DOCK4: variants seen among roughly 807,000 people sequenced by gnomAD.
The protein encoded by DOCK4 is dedicator of cytokinesis protein 4.
In DOCK4, 97 loss-of-function variants were observed where a neutral mutation model predicts 268.1. The ratio of observed to expected loss-of-function variants is 0.36; its 90% CI spans 0.31 to 0.43. The LOEUF (loss-of-function observed/expected upper bound fraction) is 0.43. DOCK4 is among the 20% of genes least tolerant of loss of function. DOCK4 has a pLI of 1.00. For synonymous variants in DOCK4, 954 were observed against 887.2 expected (o/e 1.08, Z -1.34); for missense variants, 2,145 against 2,455.7 (o/e 0.87, Z 2.67).
At chr7:112,036,571 T>C (rs1205261917) in intron 1 of DOCK4, among the ~76,000 whole-genome samples, 3 of 152,046 alleles carry the variant, frequency 2.0e-5, no homozygotes, top group Non-Finnish European at 2.9e-5. Context: ...TAACAAAGGG[T>C]ACGGATCTTA....
intron 37 of DOCK4, among the ~76,000 whole-genome samples, chr7:111,769,174 G>C (rs989491674): frequency 6.6e-6 from 1 of 152,146 alleles, no homozygotes; most frequent in African/African-American, 2.4e-5. Flanking sequence ...AAGCCGCCAC[G>C]AATGGACTAT....
At chr7:111,791,420 T>C (rs1329559380) in intron 30 of DOCK4, among the ~76,000 whole-genome samples, 1 of 151,672 alleles carries the variant, frequency 6.6e-6, no homozygotes, top group African/African-American at 2.4e-5. Flanking sequence ...GGTTCTTATC[T>C]CTATGATATA....
At chr7:111,934,576 C>A (rs1449780614) in intron 12 of DOCK4, among the ~76,000 whole-genome samples, 1 of 140,284 alleles carries the variant, frequency 7.1e-6, no homozygotes, top group South Asian at 2.3e-4. Flanking sequence ...GTCACCCGGG[C>A]TGCAGTGCAG....
intron 2 of DOCK4, among the ~76,000 whole-genome samples, chr7:112,002,821 G>T (rs1250446406): frequency 6.6e-6 from 1 of 152,098 alleles, no homozygotes; most frequent in Non-Finnish European, 1.5e-5. Context: ...AGGCCAAGGT[G>T]GGTGGATCAC....
At chr7:111,978,912 C>G (rs368895863) in intron 7 of DOCK4, among the ~76,000 whole-genome samples, 1 of 152,096 alleles carries the variant, frequency 6.6e-6, no homozygotes, top group African/African-American at 2.4e-5. Flanking sequence ...ATTAATAGAA[C>G]GGGTGCTAAA....
chr7:112,003,576 T>A (rs1800615328), intron 2 of DOCK4, among the ~76,000 whole-genome samples: 2 of 152,210 alleles, frequency 1.3e-5, no homozygotes, highest in African/African-American at 2.4e-5. Flanking sequence ...CTAATATTAT[T>A]CAAGTGCATT....
At chr7:112,007,218 G>A (rs1050928626) in intron 1 of DOCK4, among the ~76,000 whole-genome samples, 2 of 151,970 alleles carry the variant, frequency 1.3e-5, no homozygotes, top group Non-Finnish European at 2.9e-5. Flanking sequence ...ACAGCACTTC[G>A]TCTATCTGTG....
At chr7:111,756,335 C>T (rs1241460116) in intron 41 of DOCK4, among the ~76,000 whole-genome samples, 1 of 151,974 alleles carries the variant, frequency 6.6e-6, no homozygotes, top group South Asian at 2.1e-4. Context: ...GGCGACAGGG[C>T]GAGACTCCTT....
intron 22 of DOCK4, among the ~76,000 whole-genome samples, chr7:111,867,155 G>A (rs1353879508): frequency 2.6e-5 from 4 of 152,198 alleles, no homozygotes; most frequent in Admixed American, 2.6e-4. Context: ...GAGGGCTGGT[G>A]CATTCCCGGT....
intron 13 of DOCK4, among the ~76,000 whole-genome samples, chr7:111,906,123 G>C (rs1791549232): frequency 6.6e-6 from 1 of 152,068 alleles, no homozygotes; most frequent in Admixed American, 6.6e-5. Context: ...AGTAAGAATG[G>C]CCATCAAATA....
Position 111,891,812 on chromosome 7 carries a change from C to G in DOCK4, c.1587+3800G>C, listed in dbSNP as rs141512660. ...AAGGTTTCAAATTTTTTAACTTAAA[C>G]GGATTTCTTTACTTATTCATGCTTT... On this transcript the variant is annotated intron_variant, in intron 16 of 52. Transcript: ENST00000428084. 3.6e-3 allele frequency among the ~76,000 whole-genome samples: 545 copies of G among 152,268 alleles called. 4 individuals carry two copies. The highest frequency in any genetic ancestry group is 0.012 in the African/African-American group (519 of 41,572).
intron 1 of DOCK4, among the ~76,000 whole-genome samples, chr7:112,080,763 C>T (rs763962116): frequency 1.8e-4 from 27 of 152,160 alleles, no homozygotes; most frequent in Non-Finnish European, 1.9e-4. Flanking sequence ...CGTAAGACAA[C>T]CACTGTCAAA....
At chr7:111,856,368 T>TC (rs1398103550) in intron 23 of DOCK4, among the ~76,000 whole-genome samples, 6 of 152,212 alleles carry the variant, frequency 3.9e-5, no homozygotes, top group Non-Finnish European at 1.5e-5. Context: ...GGTATATTTT[T>TC]CATCTTAAGT....
At chr7:111,769,823 G>T in intron 36 of DOCK4, 146 bp from the exon 37 acceptor site, 1 of 927,646 alleles carries the variant, frequency 1.1e-6, no homozygotes, top group Non-Finnish European at 1.6e-6. Flanking sequence ...AATATATGCA[G>T]CAGTAGGGTA....
chr7:112,134,132 G>A (rs149957024), intron 1 of DOCK4, among the ~76,000 whole-genome samples: 15 of 152,234 alleles, frequency 9.9e-5, no homozygotes, highest in East Asian at 1.9e-4. Context: ...CTTCAGAATC[G>A]TTTCAATTGT....
intron 1 of DOCK4, among the ~76,000 whole-genome samples, chr7:112,047,456 T>A (rs60138661): frequency 0.05 from 7,632 of 152,196 alleles, 576 homozygotes; most frequent in African/African-American, 0.17. Context: ...GACATTGGAA[T>A]AGTATTATAA....
intron 27 of DOCK4, among the ~76,000 whole-genome samples, chr7:111,816,173 A>AT (rs900719407): frequency 6.6e-6 from 1 of 151,982 alleles, no homozygotes; most frequent in African/African-American, 2.4e-5. Context: ...ATCTCCCATA[A>AT]TTTTTTTTAA....
At chr7:111,962,049 T>C (rs1445070584) in intron 8 of DOCK4, among the ~76,000 whole-genome samples, 1 of 152,022 alleles carries the variant, frequency 6.6e-6, no homozygotes, top group Non-Finnish European at 1.5e-5. Context: ...TCATATTTTC[T>C]TCACATATTT....
intron 23 of DOCK4, among the ~76,000 whole-genome samples, chr7:111,849,429 G>A (rs377529613): frequency 2.7e-4 from 41 of 151,876 alleles, no homozygotes; most frequent in African/African-American, 9.7e-4. Flanking sequence ...CGCCCAGCTA[G>A]TTTTTGTATT....
Sources: allele counts gnomAD v4.1 joint callset (sites outside exome capture counted in the v4.1 genomes callset), GRCh38; gene constraint gnomAD v4.1.1; transcripts MANE v1.5; gene names NCBI Gene and HGNC (gene_info 2026-07-23, HGNC 2026-07-21).